The following KLHL1 variants were observed in gnomAD, a reference collection of about 807,000 sequenced individuals.
KLHL1 encodes the protein kelch-like protein 1.
KLHL1 carries 47 observed loss-of-function variants against 77.7 expected under a neutral mutation model. The ratio of observed to expected loss-of-function variants is 0.60; its 90% confidence interval spans 0.48 to 0.77. The LOEUF (loss-of-function observed/expected upper bound fraction) is 0.77, where lower values mean the gene tolerates loss of function less well. KLHL1 is among the 30% of genes least tolerant of loss of function. The pLI is 0.00. For missense variants in KLHL1, 925 were observed against 910.8 expected (o/e 1.02, Z -0.20); for synonymous variants, 360 against 325.2 (o/e 1.11, Z -1.15).
chr13:69,885,144 G>C (rs1007591342), intron 4 of KLHL1, among the ~76,000 whole-genome samples: 1 of 137,022 alleles, frequency 7.3e-6, no homozygotes, highest in Non-Finnish European at 1.5e-5. Context: ...GTTTCACCGT[G>C]TTAGCCAGGA....
intron 1 of KLHL1, among the ~76,000 whole-genome samples, chr13:70,089,506 T>C (rs1593735279): frequency 1.3e-5 from 2 of 152,138 alleles, no homozygotes; most frequent in Admixed American, 6.6e-5. Flanking sequence ...CACCTCCAGA[T>C]TGTTAAAATA....
intron 6 of KLHL1, among the ~76,000 whole-genome samples, chr13:69,834,798 A>T (rs1878918544): frequency 6.6e-6 from 1 of 152,096 alleles, no homozygotes; most frequent in African/African-American, 2.4e-5. Context: ...GTAGTTTTGA[A>T]TATTTGCTAA....
At chr13:69,759,822 G>T in intron 7 of KLHL1, among the ~76,000 whole-genome samples, 1 of 152,092 alleles carries the variant, frequency 6.6e-6, no homozygotes, top group East Asian at 1.9e-4. Context: ...CCAAACCAAA[G>T]AAAAAGACCA....
chr13:69,860,000 C>T (rs1276411110), intron 5 of KLHL1, among the ~76,000 whole-genome samples: 2 of 152,158 alleles, frequency 1.3e-5, no homozygotes, highest in East Asian at 1.9e-4. Context: ...CCATCCCTGA[C>T]TTATTCACCC....
In KLHL1 at chr13:69,894,442, C is replaced by A. The variant is rs558770928; in HGVS notation, c.1015-11947G>T. The A allele has an allele frequency of 1.8e-3, 306 of 165,838 alleles. 1 individual carries two copies. The highest frequency in any genetic ancestry group is 3.3e-3 in the Non-Finnish European group (248 of 74,626). 10.3% of individuals were successfully genotyped at this position (165,838 alleles called of 1,614,324 possible). A position where few individuals can be genotyped will look rare whatever the true frequency, so the allele number is the denominator to read the frequency against. On this transcript the variant is annotated intron_variant, in intron 4 of 10. Coordinates refer to ENST00000377844, the MANE Select transcript of KLHL1 (RefSeq NM_020866.3). ...ACATCTCCCCTTGAACCAAATCCAT[C>A]CAACTGGTTCAACAGTTCCAACATT... is the stretch of plus-strand genomic sequence containing the variant.
chr13:69,721,143 G>C (rs918152227), intron 8 of KLHL1, among the ~76,000 whole-genome samples: 1 of 105,518 alleles, frequency 9.5e-6, no homozygotes, highest in Non-Finnish European at 2.0e-5. Context: ...AGAACTCAAA[G>C]TCATCCCTCT....
intron 6 of KLHL1, among the ~76,000 whole-genome samples, chr13:69,820,272 C>T (rs1009467051): frequency 1.3e-5 from 2 of 152,180 alleles, no homozygotes; most frequent in African/African-American, 4.8e-5. Context: ...TCCCCCATAA[C>T]AGGGTTCACA....
In KLHL1 at chr13:69,945,266, C is replaced by A. The variant is rs551488694; in HGVS notation, c.818-5030G>T. 1.6e-4 allele frequency among the ~76,000 whole-genome samples: 24 copies of A among 151,704 alleles called. No individual in the cohort carries two copies. In the South Asian group the frequency reaches 2.1e-3, roughly 13 times the overall value. On this transcript the variant is annotated intron_variant, in intron 3 of 10. Coordinates refer to ENST00000377844, the MANE Select transcript of KLHL1 (RefSeq NM_020866.3). ...GGGATTACATGCGTGAGCCACTGCA[C>A]CCGGCAGCTATAAAACTTCCATAAC... is the stretch of plus-strand genomic sequence containing the variant.
intron 7 of KLHL1, among the ~76,000 whole-genome samples, chr13:69,749,716 C>T (rs1012638148): frequency 3.3e-5 from 5 of 151,948 alleles, no homozygotes; most frequent in African/African-American, 4.8e-5. Flanking sequence ...CTATACAGAT[C>T]ATTCCCCATA....
chr13:69,811,689 T>C (rs1877887808), intron 6 of KLHL1, among the ~76,000 whole-genome samples: 1 of 152,122 alleles, frequency 6.6e-6, no homozygotes, highest in African/African-American at 2.4e-5. Flanking sequence ...TCATGTTATC[T>C]CTCTTCACTG....
intron 1 of KLHL1, among the ~76,000 whole-genome samples, chr13:70,043,382 G>C (rs1331140993): frequency 2.0e-5 from 3 of 152,146 alleles, no homozygotes; most frequent in African/African-American, 7.2e-5. Context: ...GAAAGTTACA[G>C]AAAGTTAAGA....
chr13:69,782,520 C>A (rs1057116852), intron 7 of KLHL1, among the ~76,000 whole-genome samples: 1 of 152,230 alleles, frequency 6.6e-6, no homozygotes, highest in Non-Finnish European at 1.5e-5. Context: ...TTATATCCTG[C>A]ACCTGGCTTG....
In KLHL1 at chr13:70,012,910, T is replaced by A. The variant is rs560148143; in HGVS notation, c.498-37108A>T. On this transcript the variant is annotated intron_variant, in intron 1 of 10. Transcript: ENST00000377844. ...AGAGCAAGATTCTGTATAAAAAAAA[T>A]AATAATAATAAATAAATATCAAACT... Among the ~76,000 whole-genome samples, 947 of 102,518 alleles carry A rather than the reference T, an allele frequency of 9.2e-3. 13 individuals carry two copies. Among genetic ancestry groups the A allele is most frequent in the African/African-American group, 0.032 (873 of 27,442 alleles). The allele number at this position is 102,518 out of a possible 152,430, so 67.3% of individuals were successfully genotyped here. A position where few individuals can be genotyped will look rare whatever the true frequency, so the allele number is the denominator to read the frequency against.
chr13:70,038,937 T>C (rs1899312), intron 1 of KLHL1, among the ~76,000 whole-genome samples: 1 of 152,114 alleles, frequency 6.6e-6, no homozygotes, highest in South Asian at 2.1e-4. Context: ...CCAATTATGG[T>C]CTGAATTTCT....
Position 69,978,767 on chromosome 13 carries a change from G to A in KLHL1, c.498-2965C>T, listed in dbSNP as rs370264804. ...CCCCCAAAGTGCTGGGATTACAGGC[G>A]TGAGCCACTGTGCCTGGCCTGGGCA... On this transcript the variant is annotated intron_variant, in intron 1 of 10. Transcript: ENST00000377844. Among the ~76,000 whole-genome samples the A allele has an allele frequency of 2.4e-4, 37 of 152,252 alleles. No homozygotes were observed. In the South Asian group the frequency reaches 7.3e-3, roughly 30 times the overall value.
chr13:70,045,460 G>A (rs929248933), intron 1 of KLHL1, among the ~76,000 whole-genome samples: 1 of 151,920 alleles, frequency 6.6e-6, no homozygotes, highest in Non-Finnish European at 1.5e-5. Context: ...GTCAGAAAGA[G>A]GGCTAGAAGT....
Position 69,796,837 on chromosome 13 carries a change from G to T in KLHL1, c.1540C>A (p.Arg514=). The T allele has an allele frequency of 6.2e-7, 1 of 1,614,024 alleles. No individual in the cohort carries two copies. Among genetic ancestry groups the T allele is most frequent in the African/African-American group, 1.3e-5 (1 of 75,006 alleles). Residue 514 remains arginine (R), a synonymous_variant, in exon 7 of 11, where the codon CGA becomes AGA. Coordinates refer to ENST00000377844, the MANE Select transcript of KLHL1 (RefSeq NM_020866.3). ...IDDKLFVIGG[R]DGLKTLNTVE... The stretch of plus-strand genomic sequence containing the variant: ...GTGTTCAATGTCTTTAAGCCATCTC[G>T]ACCTCCAATTACAAAGAGTTTGTCA...
chr13:69,794,615 A>G (rs766643916), intron 7 of KLHL1, among the ~76,000 whole-genome samples: 6 of 152,022 alleles, frequency 3.9e-5, no homozygotes, highest in Non-Finnish European at 7.4e-5. Context: ...ATCTACAATA[A>G]AAAAGAGTTA....
rs114985326 is a variant in KLHL1 at position 69,870,911 on chromosome 13, T to C, written c.1227+11372A>G. Reference sequence around the variant, plus strand: ...AGCCCATGTGGCCGCTCTCAGGGATTGAAACTGACTGCTTGCAACTCTTCC... The same window carrying C: ...AGCCCATGTGGCCGCTCTCAGGGATCGAAACTGACTGCTTGCAACTCTTCC... On this transcript the variant is annotated intron_variant, in intron 5 of 10. Coordinates refer to ENST00000377844, the MANE Select transcript of KLHL1 (RefSeq NM_020866.3). Among the ~76,000 whole-genome samples the C allele has an allele frequency of 3.2e-3, 494 of 152,180 alleles. 3 individuals carry two copies. Among genetic ancestry groups the C allele is most frequent in the African/African-American group, 0.012 (480 of 41,528 alleles).
Sources: gnomAD v4.1 joint callset for allele counts (sites outside exome capture counted in the v4.1 genomes callset) on GRCh38, gnomAD v4.1.1 for gene constraint, MANE v1.5 for transcripts, NCBI Gene and HGNC (gene_info 2026-07-23, HGNC 2026-07-21) for gene names.